Variants in EDIL3 observed in about 807,000 individuals in gnomAD.
The protein encoded by EDIL3 is EGF-like repeat and discoidin I-like domain-containing protein 3.
A neutral mutation model predicts 67.4 loss-of-function variants in EDIL3; 37 were observed. That is an observed-to-expected ratio of 0.55 (90% CI 0.42 to 0.72). The LOEUF (loss-of-function observed/expected upper bound fraction) is 0.72, where lower values mean the gene tolerates loss of function less well. EDIL3 is among the 30% of genes least tolerant of loss of function. The pLI, the probability that EDIL3 is intolerant of heterozygous loss-of-function variation, is 0.00. For synonymous variants in EDIL3, 195 were observed against 196.3 expected, an observed-to-expected ratio of 0.99 and a Z score of 0.05; for missense variants, 527 against 586.3, an observed-to-expected ratio of 0.90 and a Z score of 1.04.
intron 1 of EDIL3, among the ~76,000 whole-genome samples, chr5:84,310,718 A>T (rs1229019870): frequency 6.6e-6 from 1 of 152,200 alleles, no homozygotes; most frequent in Non-Finnish European, 1.5e-5. Flanking sequence ...AGATATACAC[A>T]CCCAAACCTC....
At chr5:84,094,898 C>A (rs1276864628) in intron 6 of EDIL3, among the ~76,000 whole-genome samples, 1 of 152,168 alleles carries the variant, frequency 6.6e-6, no homozygotes, top group Non-Finnish European at 1.5e-5. Context: ...TGTTTCATGA[C>A]TGATGGATAA....
At chr5:84,082,282 C>T (rs931085175) in intron 6 of EDIL3, among the ~76,000 whole-genome samples, 1 of 152,174 alleles carries the variant, frequency 6.6e-6, no homozygotes, top group African/African-American at 2.4e-5. Context: ...ATCAATTAAA[C>T]ATCAAGACAA....
chr5:84,187,181 A>G (rs1460739572), intron 3 of EDIL3, among the ~76,000 whole-genome samples: 2 of 152,078 alleles, frequency 1.3e-5, no homozygotes, highest in Non-Finnish European at 2.9e-5. Context: ...AACTGAATTC[A>G]ACAGCATGCT....
intron 3 of EDIL3, among the ~76,000 whole-genome samples, chr5:84,208,685 CAAAAAAAAAAAAAAAA>C (rs70975546): frequency 2.4e-4 from 14 of 59,412 alleles, no homozygotes; most frequent in Non-Finnish European, 3.7e-4. Flanking sequence ...GACTCCGTCT[CAAAAAAAAAAAAAAAA>C]AAAAAAAAAA....
chr5:84,065,629 T>C (rs1433174871), intron 7 of EDIL3, among the ~76,000 whole-genome samples: 2 of 144,826 alleles, frequency 1.4e-5, no homozygotes, highest in Non-Finnish European at 1.6e-5. Flanking sequence ...AACAAAAGAA[T>C]TGAGAATATC....
intron 10 of EDIL3, among the ~76,000 whole-genome samples, chr5:83,947,110 T>C (rs1013687683): frequency 6.6e-6 from 1 of 151,902 alleles, no homozygotes; most frequent in Admixed American, 6.6e-5. Flanking sequence ...TGCCCCCTTA[T>C]AGATTTCATT....
chr5:84,152,848 T>G (rs562885910), intron 4 of EDIL3, among the ~76,000 whole-genome samples: 40 of 152,294 alleles, frequency 2.6e-4, no homozygotes, highest in Non-Finnish European at 5.1e-4. Flanking sequence ...TGTAAAGACA[T>G]GCAGAGGTAG....
intron 1 of EDIL3, among the ~76,000 whole-genome samples, chr5:84,305,045 G>A (rs1372507988): frequency 6.6e-6 from 1 of 152,194 alleles, no homozygotes; most frequent in Non-Finnish European, 1.5e-5. Flanking sequence ...GCATTAGAGA[G>A]TGATTTGGAA....
At chr5:84,108,792 G>A (rs1747507835) in intron 5 of EDIL3, among the ~76,000 whole-genome samples, 2 of 152,142 alleles carry the variant, frequency 1.3e-5, no homozygotes, top group Admixed American at 1.3e-4. Flanking sequence ...AAATGAAACA[G>A]GCAGGGAGAT....
At chr5:84,160,779 CCTTTCCTTTCCTTTCCTTTCCTTTCCTTT>C (rs1191421278) in intron 4 of EDIL3, among the ~76,000 whole-genome samples, 5 of 55,806 alleles carry the variant, frequency 9.0e-5, no homozygotes, top group Admixed American at 7.1e-4. Context: ...CCTTTCCTTT[CCTTTCCTTTCCTTTCCTTTCCTTTCCTTT>C]CCTTTCCTTT....
intron 10 of EDIL3, among the ~76,000 whole-genome samples, chr5:83,957,497 C>T (rs573819505): frequency 1.3e-5 from 2 of 151,708 alleles, no homozygotes; most frequent in East Asian, 1.9e-4. Flanking sequence ...CTCACTTCAG[C>T]AGAAATGACA....
intron 10 of EDIL3, among the ~76,000 whole-genome samples, chr5:83,946,130 A>G (rs1561381717): frequency 6.6e-6 from 1 of 152,006 alleles, no homozygotes; most frequent in Non-Finnish European, 1.5e-5. Flanking sequence ...GTGCTTTCAC[A>G]GGCACATTTT....
At chr5:84,364,143 G>A (rs1747676773) in intron 1 of EDIL3, among the ~76,000 whole-genome samples, 1 of 152,168 alleles carries the variant, frequency 6.6e-6, no homozygotes, top group Admixed American at 6.5e-5. Context: ...TTAAGATTTT[G>A]AAGCTACAAC....
At chr5:84,254,996 T>C (rs550542688) in intron 1 of EDIL3, among the ~76,000 whole-genome samples, 2 of 151,956 alleles carry the variant, frequency 1.3e-5, no homozygotes, top group East Asian at 3.9e-4. Context: ...ACTGGGGAGG[T>C]AGAACATGTA....
chr5:84,242,140 G>A (rs1433802959), intron 2 of EDIL3, among the ~76,000 whole-genome samples: 1 of 151,726 alleles, frequency 6.6e-6, no homozygotes, highest in African/African-American at 2.4e-5. Context: ...GCTGAGGCAG[G>A]AGAATGGCGT....
chr5:84,247,410 C>A (rs568768897), intron 2 of EDIL3, among the ~76,000 whole-genome samples: 1,875 of 152,238 alleles, frequency 0.012, 34 homozygotes, highest in African/African-American at 0.042. Flanking sequence ...CAACGTCAGA[C>A]TCTATTATAC....
At chr5:84,100,945 C>G (rs1747354700) in intron 6 of EDIL3, among the ~76,000 whole-genome samples, 1 of 151,796 alleles carries the variant, frequency 6.6e-6, no homozygotes. Flanking sequence ...GGCCCTTTTT[C>G]TTTCGCCAAA....
chr5:84,093,637 A>C (rs970536030), intron 6 of EDIL3, among the ~76,000 whole-genome samples: 8 of 151,080 alleles, frequency 5.3e-5, no homozygotes, highest in Non-Finnish European at 4.4e-5. Context: ...GAGAGGAAGC[A>C]GAAGAGATTT....
intron 9 of EDIL3, among the ~76,000 whole-genome samples, chr5:84,024,649 T>A (rs2112195828): frequency 6.6e-6 from 1 of 152,178 alleles, no homozygotes; most frequent in Admixed American, 6.6e-5. Context: ...ATCTCTGACT[T>A]GGGGTCCAAG....
Sources: allele counts gnomAD v4.1 joint callset (sites outside exome capture counted in the v4.1 genomes callset), GRCh38; gene constraint gnomAD v4.1.1; transcripts MANE v1.5; gene names NCBI Gene and HGNC (gene_info 2026-07-23, HGNC 2026-07-21).